Variants in NSL1 observed in about 807,000 individuals in gnomAD.
The protein encoded by NSL1 is kinetochore-associated protein NSL1 homolog.
In NSL1, 11 loss-of-function variants were observed where a neutral mutation model predicts 25.4. The ratio of observed to expected loss-of-function variants is 0.43; its 90% CI spans 0.27 to 0.72. NSL1 has a LOEUF of 0.72. Ranked by LOEUF, NSL1 falls within the 30% of genes least tolerant of loss-of-function variation. The pLI, the probability that NSL1 is intolerant of heterozygous loss-of-function variation, is 0.19. For synonymous variants in NSL1, 118 were observed against 120.6 expected (o/e 0.98, Z 0.14); for missense variants, 330 against 342.7 (o/e 0.96, Z 0.29).
At chr1:212,781,861 T>C (rs74138700) in intron 4 of NSL1, 3,997 of 198,736 alleles carry the variant, frequency 0.02, 139 homozygotes, top group African/African-American at 0.083. Flanking sequence ...TGTGTCAAGT[T>C]TATTTCTCCC....
chr1:212,761,350 G>A (rs1184388123), intron 4 of NSL1, among the ~76,000 whole-genome samples: 1 of 152,162 alleles, frequency 6.6e-6, no homozygotes, highest in Non-Finnish European at 1.5e-5. Flanking sequence ...TGGAGTTCGA[G>A]ACCAGCCTGG....
In NSL1 at chr1:212,736,170, T is replaced by C; in HGVS notation, c.*2238A>G. ...CTCTCATTTCAGCCTCCTGGGTGGCTGGGACTACAGGTGTGTGCCATCACA... is the reference window on the plus strand; with the variant it reads ...CTCTCATTTCAGCCTCCTGGGTGGCCGGGACTACAGGTGTGTGCCATCACA... On this transcript the variant is annotated 3_prime_UTR_variant, in exon 6 of 6. Coordinates refer to ENST00000366977, the MANE Select transcript of NSL1 (RefSeq NM_015471.4). 1 of 657,276 alleles carries C rather than the reference T, an allele frequency of 1.5e-6. No homozygotes were observed. The highest frequency in any genetic ancestry group is 1.9e-6 in the Non-Finnish European group (1 of 530,118). 40.7% of individuals were successfully genotyped at this position (657,276 alleles called of 1,614,324 possible). A position where few individuals can be genotyped will look rare whatever the true frequency, so the allele number is the denominator to read the frequency against.
Position 212,729,220 on chromosome 1 carries a change from T to C in NSL1, c.*9188A>G. On this transcript the variant is annotated 3_prime_UTR_variant, in exon 6 of 6. Coordinates refer to ENST00000366977, the MANE Select transcript of NSL1 (RefSeq NM_015471.4). ...CCATGAGTTTCACTCTCAGGTTCCC[T>C]CTAGGAGCAGAAGTGCAGGTTTGCT... 1.0e-6 allele frequency: 1 copy of C among 985,432 alleles called. No homozygotes were observed. The highest frequency in any genetic ancestry group is 1.2e-6 in the Non-Finnish European group (1 of 829,922). The allele number at this position is 985,432 out of a possible 1,614,324, so 61.0% of individuals were successfully genotyped here. A position where few individuals can be genotyped will look rare whatever the true frequency, so the allele number is the denominator to read the frequency against.
intron 4 of NSL1, among the ~76,000 whole-genome samples, chr1:212,761,483 C>T (rs1659562227): frequency 6.6e-6 from 1 of 152,110 alleles, no homozygotes; most frequent in Non-Finnish European, 1.5e-5. Context: ...TTACAAAAAA[C>T]ACAAAAATAG....
Position 212,731,180 on chromosome 1 carries a change from A to C in NSL1, c.*7228T>G, listed in dbSNP as rs1327172051. ...ATCTATTTGCAAAACAAATGGTCAGAGGGGAGAAAAAAAAAAAAACCTGAA... is the reference window on the plus strand; with the variant it reads ...ATCTATTTGCAAAACAAATGGTCAGCGGGGAGAAAAAAAAAAAAACCTGAA... On this transcript the variant is annotated 3_prime_UTR_variant, in exon 6 of 6. Transcript: ENST00000366977. 1 of 841,756 alleles carries C rather than the reference A, an allele frequency of 1.2e-6. No homozygotes were observed. 52.1% of individuals were successfully genotyped at this position (841,756 alleles called of 1,614,324 possible). A position where few individuals can be genotyped will look rare whatever the true frequency, so the allele number is the denominator to read the frequency against.
chr1:212,781,542 C>G (rs988856400), intron 4 of NSL1, among the ~76,000 whole-genome samples: 1 of 152,112 alleles, frequency 6.6e-6, no homozygotes, highest in African/African-American at 2.4e-5. Flanking sequence ...TATACTTCCC[C>G]CCCTCTCAGT....
rs1276713161 is a variant in NSL1, at chr1:212,731,975, T to G, written c.*6433A>C. Reference sequence around the variant, plus strand: ...TGTCCATCTAACTGTTCAGTGCCTGTGCTGTACTAATTGCTAATTCCCATC... The same window carrying G: ...TGTCCATCTAACTGTTCAGTGCCTGGGCTGTACTAATTGCTAATTCCCATC... On this transcript the variant is annotated 3_prime_UTR_variant, in exon 6 of 6. Transcript: ENST00000366977. 1 of 984,992 alleles carries G rather than the reference T, an allele frequency of 1.0e-6. No individual in the cohort carries two copies. 61.0% of individuals were successfully genotyped at this position (984,992 alleles called of 1,614,324 possible).
At chr1:212,748,175 CT>C (rs1286281373) in intron 4 of NSL1, among the ~76,000 whole-genome samples, 1 of 152,124 alleles carries the variant, frequency 6.6e-6, no homozygotes, top group African/African-American at 2.4e-5. Flanking sequence ...ATGATAATAT[CT>C]GTTAACTTTT....
intron 1 of NSL1, among the ~76,000 whole-genome samples, chr1:212,790,940 T>A (rs1011670472): frequency 3.2e-4 from 47 of 145,576 alleles, no homozygotes; most frequent in African/African-American, 1.1e-3. Context: ...AAAAATAAAA[T>A]AAAATAAATA....
intron 4 of NSL1, among the ~76,000 whole-genome samples, chr1:212,773,671 C>CAAA (rs1660225245): frequency 1.3e-5 from 2 of 152,122 alleles, no homozygotes; most frequent in Non-Finnish European, 2.9e-5. Flanking sequence ...ATATGCTCCA[C>CAAA]CATTCCTGCC....
intron 4 of NSL1, among the ~76,000 whole-genome samples, chr1:212,779,411 C>T (rs1318394359): frequency 2.1e-5 from 3 of 140,424 alleles, no homozygotes; most frequent in African/African-American, 8.0e-5. Context: ...CGGCCAGCCG[C>T]CCCGTCCGGG....
intron 3 of NSL1, among the ~76,000 whole-genome samples, chr1:212,783,404 C>T (rs777521545): frequency 1.3e-5 from 2 of 151,914 alleles, no homozygotes; most frequent in African/African-American, 2.4e-5. Flanking sequence ...TGATGGAATG[C>T]GGTATTTGAG....
At chr1:212,768,085 C>T (rs923430602) in intron 4 of NSL1, among the ~76,000 whole-genome samples, 4 of 152,048 alleles carry the variant, frequency 2.6e-5, no homozygotes, top group South Asian at 2.1e-4. Flanking sequence ...TTTGGGAGTT[C>T]GAGGAGGGTA....
intron 4 of NSL1, among the ~76,000 whole-genome samples, chr1:212,762,730 G>A (rs773744595): frequency 4.6e-5 from 7 of 152,226 alleles, no homozygotes; most frequent in Non-Finnish European, 8.8e-5. Context: ...ACCCTACCGA[G>A]AGCTGGAATG....
At chr1:212,743,357 G>A (rs183295517) in intron 4 of NSL1, among the ~76,000 whole-genome samples, 13 of 151,920 alleles carry the variant, frequency 8.6e-5, no homozygotes, top group Non-Finnish European at 1.9e-4. Flanking sequence ...TAGAGACAGG[G>A]TTTCACCATG....
At chr1:212,780,010 C>A (rs1329553114) in intron 4 of NSL1, among the ~76,000 whole-genome samples, 1 of 151,988 alleles carries the variant, frequency 6.6e-6, no homozygotes, top group African/African-American at 2.4e-5. Flanking sequence ...GTGTACCCAA[C>A]AGCTCATTGA....
In NSL1 at chr1:212,735,909, A is replaced by G. The variant is rs1035850904; in HGVS notation, c.*2499T>C. 1 of 973,836 alleles carries G rather than the reference A, an allele frequency of 1.0e-6. No homozygotes were observed. The highest frequency in any genetic ancestry group is 4.8e-5 in the South Asian group (1 of 21,044). 60.3% of individuals were successfully genotyped at this position (973,836 alleles called of 1,614,324 possible). A position where few individuals can be genotyped will look rare whatever the true frequency, so the allele number is the denominator to read the frequency against. ...TGTGAGAAGTAAGTATCTGTTGTTT[A>G]AGCCACCCAGCCTGTGGTATTCTGT... On this transcript the variant is annotated 3_prime_UTR_variant, in exon 6 of 6. Coordinates refer to ENST00000366977, the MANE Select transcript of NSL1 (RefSeq NM_015471.4).
chr1:212,779,337 G>A lies in NSL1; in HGVS notation c.499+3035C>T, dbSNP rs1227548292. On this transcript the variant is annotated intron_variant, in intron 4 of 5. Coordinates refer to ENST00000366977, the MANE Select transcript of NSL1 (RefSeq NM_015471.4). ...GCCCCGTCCGGGAGGGAGGTGGGGG[G>A]GTCAGCCCCCCTCCCGGCCAGCCGC... Among the ~76,000 whole-genome samples, 14 of 142,628 alleles carry A rather than the reference G, an allele frequency of 9.8e-5. No individual in the cohort carries two copies. In the East Asian group the frequency reaches 3.0e-3, roughly 31 times the overall value. 93.6% of individuals were successfully genotyped at this position (142,628 alleles called of 152,430 possible).
chr1:212,735,423 C>G lies in NSL1; in HGVS notation c.*2985G>C. The G allele has an allele frequency of 1.0e-6, 1 of 985,408 alleles. No homozygotes were observed. The highest frequency in any genetic ancestry group is 1.2e-6 in the Non-Finnish European group (1 of 829,914). 61.0% of individuals were successfully genotyped at this position (985,408 alleles called of 1,614,324 possible). A position where few individuals can be genotyped will look rare whatever the true frequency, so the allele number is the denominator to read the frequency against. On this transcript the variant is annotated 3_prime_UTR_variant, in exon 6 of 6. Transcript: ENST00000366977. ...ATTCAGCCTTAGAAAAGAAAAAGTA[C>G]ATCTTACAAGATGAAATCATACTGT...
Sources: gnomAD v4.1 joint callset for allele counts (sites outside exome capture counted in the v4.1 genomes callset) on GRCh38, gnomAD v4.1.1 for gene constraint, MANE v1.5 for transcripts, NCBI Gene and HGNC (gene_info 2026-07-23, HGNC 2026-07-21) for gene names.